TTC28: variants seen among roughly 807,000 people sequenced by gnomAD.
TTC28 encodes the protein tetratricopeptide repeat protein 28.
In TTC28, 61 loss-of-function variants were observed where a neutral mutation model predicts 198.0. That is an observed-to-expected ratio of 0.31 (90% CI 0.25 to 0.38). The LOEUF (loss-of-function observed/expected upper bound fraction) is 0.38. Among genes scored for constraint, TTC28 ranks in the 10% least tolerant of loss-of-function variants. The pLI is 1.00. For synonymous variants in TTC28, 1,171 were observed against 1,297.8 expected (o/e 0.90, Z 2.10); for missense variants, 2,678 against 3,164.0 (o/e 0.85, Z 3.69).
chr22:28,212,390 AAAG>A lies in TTC28; in HGVS notation c.934-48794_934-48792del, dbSNP rs1460661952. Among the ~76,000 whole-genome samples, 3 of 145,500 alleles carry A rather than the reference AAAG, an allele frequency of 2.1e-5. 1 individual carries two copies. Among genetic ancestry groups the A allele is most frequent in the Non-Finnish European group, 4.6e-5 (3 of 65,388 alleles). On this transcript the variant is annotated intron_variant, in intron 5 of 22. Coordinates refer to ENST00000397906, the MANE Select transcript of TTC28 (RefSeq NM_001145418.2). ...TTGAGAGACCGCTAGCAAGACTAATAAAGAAGAAAAGAGAGAAGAGTCAAATAG... is the reference window on the plus strand; with the variant it reads ...TTGAGAGACCGCTAGCAAGACTAATAAAGAAAAGAGAGAAGAGTCAAATAG...
intron 5 of TTC28, among the ~76,000 whole-genome samples, chr22:28,203,634 C>T (rs199910815): frequency 6.6e-6 from 1 of 152,070 alleles, no homozygotes; most frequent in African/African-American, 2.4e-5. Flanking sequence ...CATTCTATAT[C>T]CCTGTGATCA....
At chr22:28,212,036 T>C (rs777648329) in intron 5 of TTC28, among the ~76,000 whole-genome samples, 1 of 152,060 alleles carries the variant, frequency 6.6e-6, no homozygotes, top group African/African-American at 2.4e-5. Flanking sequence ...ACTGGGTACA[T>C]AACGAAATGA....
chr22:28,153,395 TAAAAAAAAA>T (rs55726442), intron 6 of TTC28, among the ~76,000 whole-genome samples: 66 of 97,146 alleles, frequency 6.8e-4, no homozygotes, highest in Non-Finnish European at 9.8e-4. Flanking sequence ...CTCAAAGAAT[TAAAAAAAAA>T]AAAAAAAAAA....
In TTC28 at chr22:27,982,455, C is replaced by CTTCT; in HGVS notation, c.7208_7211dup (p.Glu2406GlyfsTer6). 1 of 1,551,432 alleles carries CTTCT rather than the reference C, an allele frequency of 6.4e-7. No individual in the cohort carries two copies. The highest frequency in any genetic ancestry group is 8.7e-7 in the Non-Finnish European group (1 of 1,146,884). ...GTTCAAGCTTATCCACTCCCTCCTC[C>CTTCT]TTCTTATTGTGCCGTGGTGACAAAT... On this transcript the variant is annotated frameshift_variant, in exon 23 of 23. Transcript: ENST00000397906. LOFTEE classifies it low-confidence loss of function (END_TRUNC). The surrounding 1 kb of genome is among the most constrained non-coding windows in gnomAD (Gnocchi z 5.2).
intron 5 of TTC28, among the ~76,000 whole-genome samples, chr22:28,293,680 T>C (rs180905863): frequency 5.1e-4 from 77 of 152,276 alleles, no homozygotes; most frequent in Admixed American, 1.9e-3. Flanking sequence ...ATGTATCAGA[T>C]ACACGAAATA....
intron 6 of TTC28, among the ~76,000 whole-genome samples, chr22:28,139,380 T>G (rs1943276291): frequency 6.6e-6 from 1 of 152,188 alleles, no homozygotes; most frequent in Non-Finnish European, 1.5e-5. Flanking sequence ...AAAATGACAT[T>G]GGTAAGGAGG....
At chr22:28,406,560 T>C (rs1054534368) in intron 2 of TTC28, among the ~76,000 whole-genome samples, 2 of 152,172 alleles carry the variant, frequency 1.3e-5, no homozygotes, top group Admixed American at 6.5e-5. Context: ...TAGGGACACA[T>C]AGAAAGATAA....
intron 12 of TTC28, among the ~76,000 whole-genome samples, chr22:28,089,995 A>G (rs1358791711): frequency 6.6e-6 from 1 of 151,976 alleles, no homozygotes. Flanking sequence ...GGATAGCATT[A>G]GGAGATATAC....
intron 2 of TTC28, among the ~76,000 whole-genome samples, chr22:28,520,411 G>C (rs1259422680): frequency 2.6e-5 from 4 of 152,128 alleles, no homozygotes; most frequent in Non-Finnish European, 1.5e-5. Context: ...ATAAAATCTA[G>C]TGAGTTCCTC....
chr22:28,060,509 G>C (rs1940480622), intron 12 of TTC28, among the ~76,000 whole-genome samples: 1 of 152,162 alleles, frequency 6.6e-6, no homozygotes, highest in Non-Finnish European at 1.5e-5. Context: ...CTGGACATCT[G>C]GGTTGTTTCC....
intron 21 of TTC28, among the ~76,000 whole-genome samples, chr22:27,987,647 G>A (rs1466189461): frequency 6.6e-6 from 1 of 152,130 alleles, no homozygotes; most frequent in Admixed American, 6.5e-5. Flanking sequence ...ATTGCAGTGA[G>A]CTGAGCTCGC....
intron 2 of TTC28, among the ~76,000 whole-genome samples, chr22:28,453,912 C>A (rs931409401): frequency 6.6e-6 from 1 of 152,212 alleles, no homozygotes; most frequent in Admixed American, 6.5e-5. Context: ...ACATGGCCTA[C>A]AAGGTCATAC....
intron 2 of TTC28, among the ~76,000 whole-genome samples, chr22:28,464,841 C>T (rs915116408): frequency 1.3e-5 from 2 of 152,190 alleles, no homozygotes; most frequent in African/African-American, 4.8e-5. Context: ...CTGCAGCATT[C>T]TTCACTGCTT....
intron 2 of TTC28, among the ~76,000 whole-genome samples, chr22:28,537,064 C>T (rs887206383): frequency 4.0e-5 from 6 of 151,844 alleles, no homozygotes; most frequent in Non-Finnish European, 5.9e-5. Flanking sequence ...GAGGCCGAGG[C>T]AGGCGGATCA....
In TTC28 at chr22:28,514,691, G is replaced by A. The variant is rs117790963; in HGVS notation, c.381+114861C>T. On this transcript the variant is annotated intron_variant, in intron 2 of 22. Transcript: ENST00000397906. ...TTCCAACACTTACACATGCCTGTGC[G>A]CAGCAGAGAGAATAGCATTCACTGA... is the stretch of plus-strand genomic sequence containing the variant. Among the ~76,000 whole-genome samples, 824 of 152,252 alleles carry A rather than the reference G, an allele frequency of 5.4e-3. 20 individuals are homozygous for A. Among genetic ancestry groups the A allele is most frequent in the Admixed American group, 0.037 (560 of 15,280 alleles).
intron 21 of TTC28, 83 bp downstream of exon 21, chr22:27,989,795 T>C: frequency 2.0e-6 from 3 of 1,484,874 alleles, no homozygotes; most frequent in Non-Finnish European, 1.8e-6. Context: ...TGAGATACTT[T>C]GCCCAACAGA....
chr22:28,140,862 A>C (rs1286010265), intron 6 of TTC28, among the ~76,000 whole-genome samples: 2 of 152,108 alleles, frequency 1.3e-5, no homozygotes, highest in African/African-American at 4.8e-5. Context: ...TAGTTACTGT[A>C]AATACTATAA....
chr22:28,481,514 T>C (rs1284623996), intron 2 of TTC28, among the ~76,000 whole-genome samples: 1 of 152,232 alleles, frequency 6.6e-6, no homozygotes, highest in Non-Finnish European at 1.5e-5. Flanking sequence ...TACTTGGTTA[T>C]AATTTACAAT....
At chr22:28,074,973 G>A (rs1292776825) in intron 12 of TTC28, among the ~76,000 whole-genome samples, 3 of 152,086 alleles carry the variant, frequency 2.0e-5, no homozygotes, top group African/African-American at 4.8e-5. Context: ...GGTGGTGCAC[G>A]TCTGTAATCC....
Sources: allele counts gnomAD v4.1 joint callset (sites outside exome capture counted in the v4.1 genomes callset), GRCh38; gene constraint gnomAD v4.1.1; non-coding constraint Gnocchi (gnomAD v3.1); transcripts MANE v1.5; gene names NCBI Gene and HGNC (gene_info 2026-07-23, HGNC 2026-07-21).